Variants in KIAA1328 observed in about 807,000 individuals in gnomAD.
The protein encoded by KIAA1328 is KIAA1328.
Under a neutral mutation model 68.1 loss-of-function variants are expected in KIAA1328, and 52 were observed. That is an observed-to-expected ratio of 0.76 (90% confidence interval 0.61 to 0.96). KIAA1328 has a LOEUF of 0.96. Ranked by LOEUF, KIAA1328 falls within the 40% of genes least tolerant of loss-of-function variation. The pLI is 0.00. For synonymous variants in KIAA1328, 232 were observed against 239.4 expected, an observed-to-expected ratio of 0.97 and a Z score of 0.28; for missense variants, 641 against 677.6, an observed-to-expected ratio of 0.95 and a Z score of 0.60.
chr18:36,913,479 T>TACACACACACACACAC (rs10582262), intron 5 of KIAA1328, among the ~76,000 whole-genome samples: 10 of 91,426 alleles, frequency 1.1e-4, no homozygotes, highest in Non-Finnish European at 2.2e-4. Context: ...ATTACAACCT[T>TACACACACACACACAC]ACACACACAC....
intron 7 of KIAA1328, among the ~76,000 whole-genome samples, chr18:37,107,335 A>C (rs1277849340): frequency 6.6e-6 from 1 of 152,218 alleles, no homozygotes; most frequent in African/African-American, 2.4e-5. Flanking sequence ...AATGAGAATA[A>C]ATACTATCTA....
intron 7 of KIAA1328, among the ~76,000 whole-genome samples, chr18:37,126,575 A>G (rs1012361154): frequency 2.0e-5 from 3 of 152,190 alleles, no homozygotes; most frequent in Non-Finnish European, 4.4e-5. Flanking sequence ...TTGCAAAAAA[A>G]TGAAGGAAGA....
chr18:36,858,566 C>G (rs1357140517), intron 4 of KIAA1328, among the ~76,000 whole-genome samples: 1 of 152,138 alleles, frequency 6.6e-6, no homozygotes, highest in Non-Finnish European at 1.5e-5. Context: ...GTTTTTAACC[C>G]TTAACCTATT....
At chr18:37,123,849 A>G (rs762039240) in intron 7 of KIAA1328, among the ~76,000 whole-genome samples, 1 of 152,220 alleles carries the variant, frequency 6.6e-6, no homozygotes, top group African/African-American at 2.4e-5. Context: ...TAAATAAGAT[A>G]TATAAATTCA....
intron 7 of KIAA1328, among the ~76,000 whole-genome samples, chr18:37,092,380 C>A (rs1220368610): frequency 1.3e-5 from 2 of 151,970 alleles, no homozygotes; most frequent in East Asian, 3.9e-4. Context: ...ATTGACCCAC[C>A]CCACTAATTG....
chr18:37,145,159 C>T (rs571769973), intron 7 of KIAA1328, among the ~76,000 whole-genome samples: 3 of 151,838 alleles, frequency 2.0e-5, no homozygotes, highest in African/African-American at 7.3e-5. Context: ...GAGCCATGAT[C>T]GCACCACTGC....
chr18:36,991,976 T>C (rs933669997), intron 6 of KIAA1328, among the ~76,000 whole-genome samples: 1 of 152,240 alleles, frequency 6.6e-6, no homozygotes, highest in Admixed American at 6.5e-5. Context: ...CTCTCACAAA[T>C]GGCATCTAAT....
chr18:37,056,677 G>A (rs2055921171), intron 6 of KIAA1328, among the ~76,000 whole-genome samples: 2 of 152,018 alleles, frequency 1.3e-5, no homozygotes, highest in African/African-American at 4.8e-5. Flanking sequence ...TTGAAATGGA[G>A]TCTCCCTCTG....
chr18:37,136,592 G>C (rs1382837471), intron 7 of KIAA1328, among the ~76,000 whole-genome samples: 1 of 152,134 alleles, frequency 6.6e-6, no homozygotes, highest in Non-Finnish European at 1.5e-5. Flanking sequence ...TGTATGTTGG[G>C]CCTCTTGTCT....
At chr18:36,851,514 T>G (rs961321321) in intron 4 of KIAA1328, among the ~76,000 whole-genome samples, 1 of 152,156 alleles carries the variant, frequency 6.6e-6, no homozygotes, top group Non-Finnish European at 1.5e-5. Flanking sequence ...TTCTGTTTGC[T>G]CTTGAGTCAG....
intron 5 of KIAA1328, among the ~76,000 whole-genome samples, chr18:36,945,239 A>G (rs1030333881): frequency 1.3e-5 from 2 of 152,172 alleles, no homozygotes; most frequent in Non-Finnish European, 2.9e-5. Flanking sequence ...GGAGGGTAAA[A>G]CAAAAAATCT....
chr18:36,982,818 A>G (rs949620036), intron 6 of KIAA1328, among the ~76,000 whole-genome samples: 8 of 152,080 alleles, frequency 5.3e-5, no homozygotes, highest in Non-Finnish European at 1.0e-4. Flanking sequence ...TAACAAATAT[A>G]TATAAGTAAA....
At chr18:37,050,376 C>T (rs2055645836) in intron 6 of KIAA1328, among the ~76,000 whole-genome samples, 2 of 152,144 alleles carry the variant, frequency 1.3e-5, no homozygotes, top group African/African-American at 4.8e-5. Context: ...GTTCTCACCA[C>T]TTCTTCCATG....
chr18:37,036,926 C>T (rs1260693028), intron 6 of KIAA1328, among the ~76,000 whole-genome samples: 1 of 152,120 alleles, frequency 6.6e-6, no homozygotes, highest in Non-Finnish European at 1.5e-5. Flanking sequence ...CCAAAATATG[C>T]TGAAGAGTTA....
chr18:37,146,888 C>G lies in KIAA1328; in HGVS notation c.1233-13312C>G, dbSNP rs948975546. Among the ~76,000 whole-genome samples, 9 of 152,202 alleles carry G rather than the reference C, an allele frequency of 5.9e-5. 1 individual carries two copies. The East Asian group carries it at 1.7e-3, about 29-fold the overall frequency. ...CAAATCTCATGTTGAAATCTGATCC[C>G]CAGTTTTGGAGATGGGACCTAATGG... On this transcript the variant is annotated intron_variant, in intron 7 of 9. Coordinates refer to ENST00000280020, the MANE Select transcript of KIAA1328 (RefSeq NM_020776.3).
intron 6 of KIAA1328, among the ~76,000 whole-genome samples, chr18:37,054,324 GA>G (rs1212491704): frequency 1.3e-5 from 2 of 151,612 alleles, no homozygotes; most frequent in East Asian, 1.9e-4. Context: ...CTACCCAAAG[GA>G]AAAAAAATCA....
rs1007835694 is a variant in KIAA1328, at chr18:36,984,195, A to G, written c.576+24760A>G. Among the ~76,000 whole-genome samples, 13 of 152,316 alleles carry G rather than the reference A, an allele frequency of 8.5e-5. No individual in the cohort carries two copies. In the East Asian group the frequency reaches 1.2e-3, roughly 14 times the overall value. On this transcript the variant is annotated intron_variant, in intron 6 of 9. Coordinates refer to ENST00000280020, the MANE Select transcript of KIAA1328 (RefSeq NM_020776.3). ...GAATGGTTTCCCCCAGTGGTCAGGA[A>G]CAACGCAAGGATATTCAGCCTTACC...
intron 9 of KIAA1328, among the ~76,000 whole-genome samples, chr18:37,199,387 G>A (rs1439340438): frequency 1.3e-5 from 2 of 152,146 alleles, no homozygotes; most frequent in African/African-American, 4.8e-5. Context: ...CAAGGATAAT[G>A]GCCTCCAGCT....
chr18:37,005,902 T>C (rs2053763567), intron 6 of KIAA1328, among the ~76,000 whole-genome samples: 2 of 151,672 alleles, frequency 1.3e-5, no homozygotes, highest in Admixed American at 1.3e-4. Context: ...AGCCAAAAAA[T>C]ATGATCACAT....
Sources: gnomAD v4.1 joint callset for allele counts (sites outside exome capture counted in the v4.1 genomes callset) on GRCh38, gnomAD v4.1.1 for gene constraint, MANE v1.5 for transcripts, NCBI Gene and HGNC (gene_info 2026-07-23, HGNC 2026-07-21) for gene names.